Variants in DNAJC15 observed in about 807,000 individuals in gnomAD.
DNAJC15 encodes dnaJ homolog subfamily C member 15.
A neutral mutation model predicts 22.4 loss-of-function variants in DNAJC15; 27 were observed. That is an observed-to-expected ratio of 1.20 (90% CI 0.89 to 1.66). The LOEUF is 1.66. Ranked by LOEUF, DNAJC15 falls within the 40% of genes most tolerant of loss-of-function variation. The pLI is 0.00. For synonymous variants in DNAJC15, 79 were observed against 63.2 expected, an observed-to-expected ratio of 1.25 and a Z score of -1.19; for missense variants, 208 against 187.1, an observed-to-expected ratio of 1.11 and a Z score of -0.65.
chr13:43,023,859 G>T (rs2281780), intron 1 of DNAJC15, 125 bp downstream of exon 1: 190,115 of 920,624 alleles, frequency 0.21, 20,869 homozygotes, highest in Non-Finnish European at 0.23. Context: ...GTGCCCTAGC[G>T]CTCACTTGTT....
intron 3 of DNAJC15, among the ~76,000 whole-genome samples, chr13:43,076,591 A>C (rs1450916900): frequency 6.6e-6 from 1 of 152,116 alleles, no homozygotes; most frequent in Non-Finnish European, 1.5e-5. Context: ...AAGCATACCT[A>C]TTTTTCCCTA....
chr13:43,061,178 T>G (rs1483356459), intron 1 of DNAJC15, among the ~76,000 whole-genome samples: 1 of 152,176 alleles, frequency 6.6e-6, no homozygotes, highest in African/African-American at 2.4e-5. Context: ...AGAATGGGCC[T>G]GTGAGGCTGG....
At chr13:43,076,831 C>T (rs1179337969) in intron 3 of DNAJC15, among the ~76,000 whole-genome samples, 1 of 152,218 alleles carries the variant, frequency 6.6e-6, no homozygotes, top group Non-Finnish European at 1.5e-5. Flanking sequence ...TTGATGTCCT[C>T]TTTGCTAAAT....
intron 1 of DNAJC15, among the ~76,000 whole-genome samples, chr13:43,038,333 G>A (rs2040437887): frequency 6.6e-6 from 1 of 152,152 alleles, no homozygotes; most frequent in South Asian, 2.1e-4. Context: ...ACTTTGATTT[G>A]TTGGCCAAAA....
Position 43,052,090 on chromosome 13 carries a change from G to T in DNAJC15, c.109-13596G>T, listed in dbSNP as rs9533363. Among the ~76,000 whole-genome samples, 5 of 151,096 alleles carry T rather than the reference G, an allele frequency of 3.3e-5. No homozygotes were observed. In the East Asian group the frequency reaches 1.0e-3, roughly 30 times the overall value. On this transcript the variant is annotated intron_variant, in intron 1 of 5. Transcript: ENST00000379221. ...AGCGATTCTCCTGCCTCAGCCTGCC[G>T]AGTAGCTGGGATTACAGGCATGCTC...
chr13:43,096,018 CT>C (rs1178827187), intron 5 of DNAJC15, among the ~76,000 whole-genome samples: 3 of 150,790 alleles, frequency 2.0e-5, no homozygotes, highest in Non-Finnish European at 4.4e-5. Flanking sequence ...TTTTATTTTG[CT>C]TTTTACTTTT....
chr13:43,049,363 C>G (rs758605521), intron 1 of DNAJC15, among the ~76,000 whole-genome samples: 9 of 152,284 alleles, frequency 5.9e-5, no homozygotes, highest in Non-Finnish European at 1.3e-4. Flanking sequence ...TTCATGTTTA[C>G]AACTGGATCA....
In DNAJC15 at chr13:43,061,069, A is replaced by T. The variant is rs148947137; in HGVS notation, c.109-4617A>T. On this transcript the variant is annotated intron_variant, in intron 1 of 5. Transcript: ENST00000379221. ...GGAATGCTGAGAAGTGATTTCCTTG[A>T]GGATAGATTTCCACGATGGAAAGGA... 4.6e-4 allele frequency among the ~76,000 whole-genome samples: 70 copies of T among 152,278 alleles called. No individual in the cohort carries two copies. The East Asian group carries it at 0.01, about 23-fold the overall frequency.
At chr13:43,029,766 C>T (rs1286160749) in intron 1 of DNAJC15, among the ~76,000 whole-genome samples, 2 of 152,044 alleles carry the variant, frequency 1.3e-5, no homozygotes, top group Non-Finnish European at 2.9e-5. Context: ...TGTTTCTTCT[C>T]TTTGAAATAT....
chr13:43,072,500 G>A (rs2040613607), intron 3 of DNAJC15, among the ~76,000 whole-genome samples: 1 of 151,280 alleles, frequency 6.6e-6, no homozygotes, highest in Non-Finnish European at 1.5e-5. Flanking sequence ...TATTTTCACA[G>A]CTTATTTTCC....
chr13:43,073,953 T>A (rs963827451), intron 3 of DNAJC15, among the ~76,000 whole-genome samples: 2 of 141,944 alleles, frequency 1.4e-5, no homozygotes, highest in African/African-American at 5.0e-5. Context: ...AGAAAACCCA[T>A]CCTTCTTCTT....
intron 1 of DNAJC15, among the ~76,000 whole-genome samples, chr13:43,025,935 A>G (rs2040378836): frequency 6.6e-6 from 1 of 152,244 alleles, no homozygotes. Context: ...TAACATGTCT[A>G]CAATTTAAAT....
intron 5 of DNAJC15, among the ~76,000 whole-genome samples, chr13:43,098,315 G>A (rs910080418): frequency 5.3e-5 from 8 of 152,150 alleles, no homozygotes; most frequent in African/African-American, 1.9e-4. Flanking sequence ...GTACTTTCTA[G>A]GCACTGAAGC....
At chr13:43,090,647 A>G (rs1051314088) in intron 5 of DNAJC15, among the ~76,000 whole-genome samples, 3 of 151,908 alleles carry the variant, frequency 2.0e-5, no homozygotes, top group Non-Finnish European at 2.9e-5. Flanking sequence ...TGGCCTCTTA[A>G]AAGAAATTGG....
intron 5 of DNAJC15, among the ~76,000 whole-genome samples, chr13:43,101,450 A>G (rs1277469804): frequency 6.6e-6 from 1 of 152,168 alleles, no homozygotes. Context: ...TGGGGGAACA[A>G]GTGGTGTTTG....
intron 5 of DNAJC15, among the ~76,000 whole-genome samples, chr13:43,098,307 A>T (rs2040751126): frequency 1.3e-5 from 2 of 152,218 alleles, no homozygotes; most frequent in South Asian, 2.1e-4. Context: ...AGAACAGGGT[A>T]CTTTCTAGGC....
chr13:43,058,290 T>G (rs946721936), intron 1 of DNAJC15, among the ~76,000 whole-genome samples: 1 of 152,162 alleles, frequency 6.6e-6, no homozygotes, highest in African/African-American at 2.4e-5. Context: ...TAAGATCACC[T>G]GGATAAGTAT....
chr13:43,044,154 G>A (rs1246910474), intron 1 of DNAJC15, among the ~76,000 whole-genome samples: 1 of 151,910 alleles, frequency 6.6e-6, no homozygotes, highest in Non-Finnish European at 1.5e-5. Context: ...TCCACTTGCT[G>A]TTGTTTAAAT....
intron 1 of DNAJC15, among the ~76,000 whole-genome samples, chr13:43,060,984 T>C (rs1389643770): frequency 6.6e-6 from 1 of 152,128 alleles, no homozygotes; most frequent in Non-Finnish European, 1.5e-5. Context: ...ATCCCTGAGC[T>C]TGTTGTGTAG....
Sources: allele counts gnomAD v4.1 joint callset (sites outside exome capture counted in the v4.1 genomes callset), GRCh38; gene constraint gnomAD v4.1.1; transcripts MANE v1.5; gene names NCBI Gene and HGNC (gene_info 2026-07-23, HGNC 2026-07-21).